Variants in RNF216 observed in about 807,000 individuals in gnomAD.
The protein encoded by RNF216 is ring finger protein 216.
Under a neutral mutation model 110.8 loss-of-function variants are expected in RNF216, and 72 were observed. The observed-to-expected ratio is 0.65, with a 90% confidence interval of 0.54 to 0.79. The LOEUF is 0.79. RNF216 is among the 30% of genes least tolerant of loss of function. The pLI is 0.00. For missense variants in RNF216, 1,342 were observed against 1,141.2 expected (o/e 1.18, Z -2.54); for synonymous variants, 495 against 407.5 (o/e 1.21, Z -2.59).
At chr7:5,678,624 C>A (rs1050115372) in intron 13 of RNF216, among the ~76,000 whole-genome samples, 1 of 152,182 alleles carries the variant, frequency 6.6e-6, no homozygotes, top group Non-Finnish European at 1.5e-5. Flanking sequence ...ATAAGGAGGC[C>A]GGCACTCGTA....
chr7:5,652,389 G>A (rs1788448530), intron 14 of RNF216, 24 bp downstream of exon 14: 3 of 1,515,880 alleles, frequency 2.0e-6, no homozygotes, highest in African/African-American at 1.4e-5. Flanking sequence ...TCAGCCCATA[G>A]CCCCTCTGAA....
At chr7:5,710,583 C>A (rs963008378) in intron 13 of RNF216, among the ~76,000 whole-genome samples, 3 of 152,196 alleles carry the variant, frequency 2.0e-5, no homozygotes, top group African/African-American at 7.2e-5. Context: ...GGCAAGTAGA[C>A]TTTCCTTATA....
chr7:5,687,870 AT>A (rs1360395002), intron 13 of RNF216, among the ~76,000 whole-genome samples: 2 of 152,180 alleles, frequency 1.3e-5, no homozygotes, highest in Non-Finnish European at 2.9e-5. Flanking sequence ...TGATCTCACC[AT>A]TTTACAGATG....
intron 9 of RNF216, 152 bp downstream of exon 9, chr7:5,720,881 T>C: frequency 1.5e-6 from 1 of 657,368 alleles, no homozygotes; most frequent in African/African-American, 1.8e-5. Flanking sequence ...TATGACAAAA[T>C]CCAGGTTTTT....
chr7:5,726,365 C>G (rs911746325), intron 7 of RNF216, among the ~76,000 whole-genome samples: 1 of 152,168 alleles, frequency 6.6e-6, no homozygotes, highest in African/African-American at 2.4e-5. Context: ...GTAGGCAAAT[C>G]TTCCATGTTG....
At chr7:5,664,654 C>G (rs756747169) in intron 13 of RNF216, among the ~76,000 whole-genome samples, 1 of 152,194 alleles carries the variant, frequency 6.6e-6, no homozygotes, top group Admixed American at 6.5e-5. Flanking sequence ...CTCCCCAACA[C>G]CCCCAGGGGC....
rs1562462525 is a variant in RNF216, at chr7:5,752,908, C to A, written c.139G>T (p.Val47Phe). The A allele has an allele frequency of 6.2e-7, 1 of 1,612,032 alleles. No individual in the cohort carries two copies. Among genetic ancestry groups the A allele is most frequent in the Non-Finnish European group, 8.5e-7 (1 of 1,179,118 alleles). Residue 47 changes from valine (V) to phenylalanine (F), a missense_variant, in exon 3 of 17, where the codon GTC becomes TTC. Coordinates refer to ENST00000389902, the MANE Select transcript of RNF216 (RefSeq NM_207111.4). Reference protein sequence around the residue: ...SSDEERIPMLVTPAPQQHEEE... With the variant: ...SSDEERIPMLFTPAPQQHEEE... ...TCATGCTGCTGAGGAGCTGGGGTGA[C>A]CAGCATTGGAATCCTTTCCTCATCT...
intron 4 of RNF216, chr7:5,739,592 C>A: frequency 1.7e-6 from 1 of 587,538 alleles, no homozygotes; most frequent in East Asian, 3.7e-5. Flanking sequence ...CAGATCCATT[C>A]TTCATTGCTT....
Position 5,711,834 on chromosome 7 carries a change from G to A in RNF216, c.1988C>T (p.Pro663Leu), listed in dbSNP as rs1344249112. 7 of 1,613,538 alleles carry A rather than the reference G, an allele frequency of 4.3e-6. No homozygotes were observed. The highest frequency in any genetic ancestry group is 5.9e-6 in the Non-Finnish European group (7 of 1,179,788). ...CAACAGAGCCGGAAAGCTACAGGAC[G>A]GGCACCTAGAGTCAGAACAGCAGAA... ...AAYADELVRC[P>L]SCSFPALLDS... The change falls in exon 13 of 17, where the codon CCG (proline) becomes CTG (leucine). Residue 663 changes from proline to leucine, a missense_variant. Physicochemically the swap from Pro to Leu is moderately conservative, Grantham distance 98 (BLOSUM62 -3). Coordinates refer to ENST00000389902, the MANE Select transcript of RNF216 (RefSeq NM_207111.4).
chr7:5,745,380 T>C lies in RNF216; in HGVS notation c.202-3565A>G, dbSNP rs114591107. Among the ~76,000 whole-genome samples, 1,222 of 152,324 alleles carry C rather than the reference T, an allele frequency of 8.0e-3. 17 individuals are homozygous for C. Among genetic ancestry groups the C allele is most frequent in the African/African-American group, 0.028 (1,174 of 41,564 alleles). ...CTAAAGCAAAAAGGCACCATCACAT[T>C]TAATGAAGAAACATTAAGTATTCCC... On this transcript the variant is annotated intron_variant, in intron 3 of 16. Transcript: ENST00000389902.
At position 5,741,300 on chromosome 7, in the gene RNF216, G is replaced by A. The variant is rs780458295; in HGVS notation, c.717C>T (p.Asn239=). The A allele has an allele frequency of 2.5e-6, 4 of 1,613,908 alleles. No individual in the cohort carries two copies. The highest frequency in any genetic ancestry group is 2.2e-5 in the East Asian group (1 of 44,888). Residue 239 remains asparagine, a synonymous_variant, in exon 4 of 17, where the codon AAC becomes AAT. Transcript: ENST00000389902. ...WLDHPYFQSL[N]QQPREITNQV... ...GGTTTGTTATTTCACGGGGCTGTTG[G>A]TTCAGAGACTGGAAGTAAGGATGAT...
At chr7:5,766,871 G>GT (rs1040637057) in intron 1 of RNF216, 1 of 152,206 alleles carries the variant, frequency 6.6e-6, no homozygotes, top group Non-Finnish European at 1.5e-5. Flanking sequence ...GGGTGCGTGT[G>GT]TATGTTTAGA....
At chr7:5,699,152 T>C (rs536366422) in intron 13 of RNF216, among the ~76,000 whole-genome samples, 1 of 152,318 alleles carries the variant, frequency 6.6e-6, no homozygotes, top group East Asian at 1.9e-4. Flanking sequence ...TCATAACCAA[T>C]CTGAGCTTAT....
chr7:5,729,675 T>C (rs1437823436), intron 6 of RNF216, 79 bp from the exon 7 acceptor site: 4 of 1,192,676 alleles, frequency 3.4e-6, no homozygotes, highest in South Asian at 2.7e-5. Context: ...AAGAATTACA[T>C]GTGTAGAAAA....
At position 5,621,180 on chromosome 7, in the gene RNF216, T is replaced by G. The variant is rs1246433493; in HGVS notation, c.*1680A>C. 1.3e-5 allele frequency: 2 copies of G among 151,800 alleles called. No individual in the cohort carries two copies. Among genetic ancestry groups the G allele is most frequent in the African/African-American group, 2.4e-5 (1 of 41,314 alleles). The allele number at this position is 151,800 out of a possible 1,614,324, so 9.4% of individuals were successfully genotyped here. ...AAGAATGGGTATCTTAGTTTTTTTT[T>G]TTTTTTTTTTAAAGATAGAGTTTTG... On this transcript the variant is annotated 3_prime_UTR_variant, in exon 17 of 17. Transcript: ENST00000389902.
chr7:5,645,636 G>GC (rs2128571212), intron 14 of RNF216, among the ~76,000 whole-genome samples: 1 of 150,688 alleles, frequency 6.6e-6, no homozygotes, highest in Non-Finnish European at 1.5e-5. Context: ...CTGTCCCCAC[G>GC]CTGGTGTGCA....
At position 5,682,891 on chromosome 7, in the gene RNF216, A is replaced by T. The variant is rs556185373; in HGVS notation, c.2061+28870T>A. Among the ~76,000 whole-genome samples, 27 of 152,256 alleles carry T rather than the reference A, an allele frequency of 1.8e-4. No individual in the cohort carries two copies. The South Asian group carries it at 5.2e-3, about 29-fold the overall frequency. On this transcript the variant is annotated intron_variant, in intron 13 of 16. Coordinates refer to ENST00000389902, the MANE Select transcript of RNF216 (RefSeq NM_207111.4). Reference sequence around the variant, plus strand: ...TAAAAAAGAAAAAGCTTTACATATAAAGCTTTGCATTGCGTTAATGTAGCA... The same window carrying T: ...TAAAAAAGAAAAAGCTTTACATATATAGCTTTGCATTGCGTTAATGTAGCA...
At chr7:5,654,055 A>T (rs1380882222) in intron 13 of RNF216, among the ~76,000 whole-genome samples, 2 of 152,192 alleles carry the variant, frequency 1.3e-5, no homozygotes, top group East Asian at 3.9e-4. Flanking sequence ...TATGTCTTTT[A>T]AAAAAAATCA....
Position 5,680,684 on chromosome 7 carries a change from G to C in RNF216, c.2062-28174C>G, listed in dbSNP as rs1394519435. Among the ~76,000 whole-genome samples the C allele has an allele frequency of 6.6e-6, 1 of 152,068 alleles. No individual in the cohort carries two copies. The highest frequency in any genetic ancestry group is 1.5e-5 in the Non-Finnish European group (1 of 68,024). On this transcript the variant is annotated intron_variant, in intron 13 of 16. Coordinates refer to ENST00000389902, the MANE Select transcript of RNF216 (RefSeq NM_207111.4). The surrounding 1 kb of genome is among the most constrained non-coding windows in gnomAD (Gnocchi z 4.3). ...CCCAAAGTGCTGGGATTACAGGTGT[G>C]AGCCACCGCGCCCAGCACTCAACAC...
Sources: gnomAD v4.1 joint callset for allele counts (sites outside exome capture counted in the v4.1 genomes callset) on GRCh38, gnomAD v4.1.1 for gene constraint, Gnocchi (gnomAD v3.1) non-coding constraint, MANE v1.5 for transcripts, NCBI Gene and HGNC (gene_info 2026-07-23, HGNC 2026-07-21) for gene names.